The following TRAPPC8 variants were observed in gnomAD, a reference collection of about 807,000 sequenced individuals.
The protein encoded by TRAPPC8 is trafficking protein particle complex subunit 8, also known as general sporulation gene 1 homolog.
Under a neutral mutation model 174.3 loss-of-function variants are expected in TRAPPC8, and 54 were observed. That is an observed-to-expected ratio of 0.31 (90% confidence interval 0.25 to 0.39). The LOEUF (loss-of-function observed/expected upper bound fraction) is 0.39. Ranked by LOEUF, TRAPPC8 falls within the 10% of genes least tolerant of loss-of-function variation. The pLI is 1.00. For missense variants in TRAPPC8, 1,531 were observed against 1,699.1 expected, an observed-to-expected ratio of 0.90 and a Z score of 1.74; for synonymous variants, 630 against 579.9, an observed-to-expected ratio of 1.09 and a Z score of -1.24.
At chr18:31,886,440 G>A (rs1271721690) in intron 12 of TRAPPC8, among the ~76,000 whole-genome samples, 2 of 151,204 alleles carry the variant, frequency 1.3e-5, no homozygotes, top group Non-Finnish European at 2.9e-5. Context: ...AGAGTTGAAT[G>A]TGTCTTGTGT....
At chr18:31,853,049 T>C (rs1023759045) in intron 22 of TRAPPC8, among the ~76,000 whole-genome samples, 1 of 152,226 alleles carries the variant, frequency 6.6e-6, no homozygotes, top group Non-Finnish European at 1.5e-5. Context: ...GAACACACTC[T>C]GCTATATGTT....
chr18:31,853,036 T>C (rs1033193072), intron 22 of TRAPPC8, among the ~76,000 whole-genome samples: 4 of 152,252 alleles, frequency 2.6e-5, no homozygotes, highest in Non-Finnish European at 4.4e-5. Context: ...AACATTACTA[T>C]ACGAACACAC....
chr18:31,895,389 C>G (rs892690746), intron 11 of TRAPPC8, among the ~76,000 whole-genome samples: 3 of 152,108 alleles, frequency 2.0e-5, no homozygotes, highest in African/African-American at 4.8e-5. Context: ...CATTAAGAAT[C>G]ACGATTTCTG....
chr18:31,874,335 C>G (rs949379828), intron 13 of TRAPPC8, 145 bp downstream of exon 13: 1 of 798,794 alleles, frequency 1.3e-6, no homozygotes, highest in African/African-American at 1.7e-5. Flanking sequence ...GATCTATAGC[C>G]AAAAAGCCTA....
At chr18:31,939,938 G>A (rs1380584307) in intron 1 of TRAPPC8, among the ~76,000 whole-genome samples, 1 of 152,162 alleles carries the variant, frequency 6.6e-6, no homozygotes, top group East Asian at 1.9e-4. Context: ...AAGGAAATCA[G>A]AAGTGTACTG....
chr18:31,849,313 A>G (rs937141999), intron 25 of TRAPPC8, among the ~76,000 whole-genome samples: 15 of 151,992 alleles, frequency 9.9e-5, no homozygotes, highest in Admixed American at 6.6e-4. Context: ...GTTTAATACC[A>G]CCTGCTTTCA....
chr18:31,928,949 G>A (rs975501177), intron 2 of TRAPPC8, among the ~76,000 whole-genome samples: 2 of 152,154 alleles, frequency 1.3e-5, no homozygotes, highest in African/African-American at 4.8e-5. Flanking sequence ...GGGAGGCTGA[G>A]GCAGGTGGAT....
At chr18:31,907,672 A>G in intron 8 of TRAPPC8, 62 bp from the exon 9 acceptor site, 3 of 1,346,368 alleles carry the variant, frequency 2.2e-6, no homozygotes, top group Non-Finnish European at 3.0e-6. Flanking sequence ...AAATTATAAA[A>G]TACATTAACA....
chr18:31,881,218 T>A (rs2145279910), intron 12 of TRAPPC8, among the ~76,000 whole-genome samples: 1 of 152,212 alleles, frequency 6.6e-6, no homozygotes, highest in East Asian at 1.9e-4. Context: ...GCCCGAGGCA[T>A]CACATTCCCC....
chr18:31,928,158 A>AAAAATAAAAT lies in TRAPPC8; in HGVS notation c.352+3161_352+3170dup, dbSNP rs200682708. Among the ~76,000 whole-genome samples the AAAAATAAAAT allele has an allele frequency of 5.3e-5, 8 of 150,678 alleles. No homozygotes were observed. In the East Asian group the frequency reaches 1.4e-3, roughly 26 times the overall value. ...GCAAAAGAGTGAGACTCCGACTAAA[A>AAAAATAAAAT]AAAATAAAATAAAATAAAATAAAAT... On this transcript the variant is annotated intron_variant, in intron 2 of 28. Coordinates refer to ENST00000283351, the MANE Select transcript of TRAPPC8 (RefSeq NM_014939.5).
chr18:31,902,611 T>G (rs1225353115), intron 9 of TRAPPC8, among the ~76,000 whole-genome samples: 2 of 152,218 alleles, frequency 1.3e-5, no homozygotes, highest in African/African-American at 4.8e-5. Flanking sequence ...TGGTATCATC[T>G]GTTATAGAGA....
chr18:31,846,247 TG>T (rs1434198070), intron 26 of TRAPPC8, among the ~76,000 whole-genome samples: 3 of 152,174 alleles, frequency 2.0e-5, no homozygotes, highest in Non-Finnish European at 4.4e-5. Flanking sequence ...ATCATTCTTC[TG>T]TCACCAACAC....
At chr18:31,902,995 A>G (rs1297459085) in intron 9 of TRAPPC8, among the ~76,000 whole-genome samples, 1 of 150,748 alleles carries the variant, frequency 6.6e-6, no homozygotes, top group Non-Finnish European at 1.5e-5. Flanking sequence ...GCCTGCAGTG[A>G]GCCGAGATCG....
intron 1 of TRAPPC8, 105 bp from the exon 2 acceptor site, chr18:31,931,628 G>T: frequency 1.2e-6 from 1 of 809,440 alleles, no homozygotes; most frequent in Non-Finnish European, 1.8e-6. Flanking sequence ...CAAAGCAGAA[G>T]CCAGCAATTC....
intron 12 of TRAPPC8, among the ~76,000 whole-genome samples, chr18:31,882,154 T>C (rs977648553): frequency 1.9e-4 from 29 of 152,198 alleles, no homozygotes; most frequent in African/African-American, 6.5e-4. Flanking sequence ...CCTGTATTCT[T>C]ATGTTCATCA....
At chr18:31,920,939 C>G (rs539238318) in intron 2 of TRAPPC8, among the ~76,000 whole-genome samples, 32 of 132,014 alleles carry the variant, frequency 2.4e-4, no homozygotes, top group South Asian at 8.5e-4. Context: ...GAGCGACACT[C>G]CGTCTCAAAA....
At position 31,870,395 on chromosome 18, in the gene TRAPPC8, C is replaced by T. The variant is rs562351223; in HGVS notation, c.2365G>A (p.Asp789Asn). 4.9e-5 allele frequency: 79 copies of T among 1,611,300 alleles called. No individual in the cohort carries two copies. Among genetic ancestry groups the T allele is most frequent in the Non-Finnish European group, 5.9e-5 (69 of 1,179,000 alleles). Reference protein sequence around the residue: ...KFHPKDFSGKDNEEVKQLVTS... With the variant: ...KFHPKDFSGKNNEEVKQLVTS... ...ACTAGTTGTTTAACTTCTTCATTAT[C>T]CTTTCCACTGAAATCTTTAGGATGA... The change falls in exon 16 of 29, where the codon GAT (aspartate) becomes AAT (asparagine). Residue 789 changes from aspartate (D) to asparagine (N), a missense_variant. By Grantham distance (23) the Asp-to-Asn change is conservative. Transcript: ENST00000283351.
intron 2 of TRAPPC8, among the ~76,000 whole-genome samples, chr18:31,924,724 G>A (rs1390637146): frequency 8.3e-6 from 1 of 120,600 alleles, no homozygotes; most frequent in Non-Finnish European, 1.6e-5. Flanking sequence ...GGCAACAACA[G>A]CGAAACTCCG....
chr18:31,926,850 A>C (rs563815471), intron 2 of TRAPPC8, among the ~76,000 whole-genome samples: 10 of 152,348 alleles, frequency 6.6e-5, no homozygotes, highest in Admixed American at 5.9e-4. Context: ...TATTAACCAA[A>C]AACTATGAGA....
Sources: allele counts gnomAD v4.1 joint callset (sites outside exome capture counted in the v4.1 genomes callset), GRCh38; gene constraint gnomAD v4.1.1; transcripts MANE v1.5; gene names NCBI Gene and HGNC (gene_info 2026-07-23, HGNC 2026-07-21).